RHBDL3: variants seen among roughly 807,000 people sequenced by gnomAD.
The protein encoded by RHBDL3 is rhomboid like 3.
Under a neutral mutation model 48.2 loss-of-function variants are expected in RHBDL3, and 28 were observed. That is an observed-to-expected ratio of 0.58 (90% confidence interval 0.43 to 0.80). RHBDL3 has a LOEUF of 0.80. Among genes scored for constraint, RHBDL3 ranks in the 30% least tolerant of loss-of-function variants. The pLI, the probability that RHBDL3 is intolerant of heterozygous loss-of-function variation, is 0.00. For synonymous variants in RHBDL3, 208 were observed against 232.3 expected, an observed-to-expected ratio of 0.90 and a Z score of 0.95; for missense variants, 464 against 542.7, an observed-to-expected ratio of 0.85 and a Z score of 1.44.
intron 7 of RHBDL3, among the ~76,000 whole-genome samples, chr17:32,313,459 G>A (rs2150751839): frequency 6.6e-6 from 1 of 152,234 alleles, no homozygotes; most frequent in East Asian, 1.9e-4. Flanking sequence ...ACAGTTCAAT[G>A]GCATTAAGTA....
chr17:32,310,347 C>G (rs983347874), intron 7 of RHBDL3, among the ~76,000 whole-genome samples: 13 of 149,132 alleles, frequency 8.7e-5, no homozygotes, highest in Non-Finnish European at 1.8e-4. Flanking sequence ...TTTGGGAGGC[C>G]GAGGTGGGCA....
intron 2 of RHBDL3, 89 bp from the exon 3 acceptor site, chr17:32,284,570 G>GGGGC (rs1209725305): frequency 2.7e-5 from 36 of 1,314,634 alleles, no homozygotes; most frequent in Non-Finnish European, 3.8e-5. Context: ...ACTAAAGCCA[G>GGGGC]TGAATAGTGG....
intron 7 of RHBDL3, among the ~76,000 whole-genome samples, chr17:32,306,510 A>G (rs990716711): frequency 6.6e-6 from 1 of 152,234 alleles, no homozygotes; most frequent in African/African-American, 2.4e-5. Flanking sequence ...CCTGAAAGGT[A>G]GTACAGTGTG....
intron 8 of RHBDL3, 135 bp downstream of exon 8, chr17:32,316,427 G>T: frequency 1.6e-6 from 1 of 638,044 alleles, no homozygotes. Context: ...TAGCAAAAAA[G>T]TAGGGATATT....
At chr17:32,293,710 A>G (rs577970870) in intron 4 of RHBDL3, among the ~76,000 whole-genome samples, 3 of 152,302 alleles carry the variant, frequency 2.0e-5, no homozygotes, top group African/African-American at 7.2e-5. Context: ...TACTGGAATT[A>G]AAGTTCAAAA....
At chr17:32,269,085 C>T (rs570946120) in intron 2 of RHBDL3, among the ~76,000 whole-genome samples, 4 of 152,256 alleles carry the variant, frequency 2.6e-5, no homozygotes, top group South Asian at 2.1e-4. Flanking sequence ...TGGTGACTCA[C>T]GCTTGTAATC....
chr17:32,280,024 A>C (rs781738187), intron 2 of RHBDL3, among the ~76,000 whole-genome samples: 2 of 152,246 alleles, frequency 1.3e-5, no homozygotes, highest in East Asian at 3.9e-4. Flanking sequence ...TGTGACCTAG[A>C]GGATTAGGGT....
At chr17:32,284,408 C>T (rs1567769228) in intron 2 of RHBDL3, 1 of 436,192 alleles carries the variant, frequency 2.3e-6, no homozygotes. Flanking sequence ...GGCGGTTTAA[C>T]CTCTCTGAGC....
At chr17:32,312,119 A>G (rs1395941980) in intron 7 of RHBDL3, among the ~76,000 whole-genome samples, 1 of 152,248 alleles carries the variant, frequency 6.6e-6, no homozygotes, top group Non-Finnish European at 1.5e-5. Flanking sequence ...GACATAGTGA[A>G]AGAGACACTG....
intron 3 of RHBDL3, among the ~76,000 whole-genome samples, chr17:32,287,879 T>G (rs2040233935): frequency 6.6e-6 from 1 of 152,192 alleles, no homozygotes; most frequent in Non-Finnish European, 1.5e-5. Context: ...AACGGAGGCC[T>G]CGGGAGGCCA....
intron 8 of RHBDL3, among the ~76,000 whole-genome samples, chr17:32,318,184 CCA>C (rs752590777): frequency 2.0e-5 from 3 of 150,816 alleles, no homozygotes. Flanking sequence ...GACCCTGTCT[CCA>C]CACACACACA....
At chr17:32,281,161 T>C (rs1289017479) in intron 2 of RHBDL3, among the ~76,000 whole-genome samples, 1 of 152,170 alleles carries the variant, frequency 6.6e-6, no homozygotes, top group Non-Finnish European at 1.5e-5. Flanking sequence ...TGTTCTCTGC[T>C]GTCTGGAGCC....
rs367790745 is a variant in RHBDL3 at position 32,276,777 on chromosome 17, C to A, written c.136-7882C>A. On this transcript the variant is annotated intron_variant, in intron 2 of 8. Transcript: ENST00000269051. ...TAGCACAGTACTCCGGCCCTAGCAC[C>A]TTACTCCGGCCCTAGCACCTTACTC... is the stretch of plus-strand genomic sequence containing the variant. Among the ~76,000 whole-genome samples, 34 of 51,282 alleles carry A rather than the reference C, an allele frequency of 6.6e-4. 1 individual carries two copies. The highest frequency in any genetic ancestry group is 3.6e-3 in the African/African-American group (23 of 6,438). 33.6% of individuals were successfully genotyped at this position (51,282 alleles called of 152,430 possible).
At chr17:32,292,595 G>A (rs762169124) in intron 4 of RHBDL3, among the ~76,000 whole-genome samples, 6 of 151,952 alleles carry the variant, frequency 3.9e-5, no homozygotes, top group African/African-American at 7.3e-5. Flanking sequence ...ACCTGAGGTC[G>A]GGAGTTCGAG....
chr17:32,316,640 T>C (rs1227973311), intron 8 of RHBDL3, among the ~76,000 whole-genome samples: 2 of 151,918 alleles, frequency 1.3e-5, no homozygotes, highest in African/African-American at 2.4e-5. Context: ...CTCTTCAGCC[T>C]CCCAAATAGC....
chr17:32,287,445 T>C (rs1242671226), intron 3 of RHBDL3, among the ~76,000 whole-genome samples: 1 of 152,072 alleles, frequency 6.6e-6, no homozygotes, highest in African/African-American at 2.4e-5. Flanking sequence ...ATGGAGAGAA[T>C]GGGGATAGAG....
intron 7 of RHBDL3, among the ~76,000 whole-genome samples, chr17:32,311,258 C>T (rs887156018): frequency 6.6e-6 from 1 of 152,264 alleles, no homozygotes; most frequent in Non-Finnish European, 1.5e-5. Flanking sequence ...GCTTTTATAG[C>T]AGCAGCAGTG....
chr17:32,304,436 A>G (rs745546601), intron 6 of RHBDL3, among the ~76,000 whole-genome samples: 8 of 152,146 alleles, frequency 5.3e-5, no homozygotes, highest in Middle Eastern at 3.2e-3. Flanking sequence ...TTTGGTCAAG[A>G]ACACGGGTGG....
chr17:32,278,149 A>G (rs1377608820), intron 2 of RHBDL3, among the ~76,000 whole-genome samples: 1 of 152,032 alleles, frequency 6.6e-6, no homozygotes, highest in African/African-American at 2.4e-5. Flanking sequence ...AATACCAAAA[A>G]TTAGCCGGGT....
Sources: allele counts gnomAD v4.1 joint callset (sites outside exome capture counted in the v4.1 genomes callset), GRCh38; gene constraint gnomAD v4.1.1; transcripts MANE v1.5; gene names NCBI Gene and HGNC (gene_info 2026-07-23, HGNC 2026-07-21).